The following FBXL7 variants were observed in gnomAD, a reference collection of about 807,000 sequenced individuals.
FBXL7 encodes the protein F-box and leucine rich repeat protein 7, also known as F-box/LRR-repeat protein 7.
A neutral mutation model predicts 38.3 loss-of-function variants in FBXL7; 12 were observed. The ratio of observed to expected loss-of-function variants is 0.31; its 90% CI spans 0.20 to 0.51. The LOEUF is 0.51. Ranked by LOEUF, FBXL7 falls within the 20% of genes least tolerant of loss-of-function variation. The probability of loss-of-function intolerance (pLI) is 0.98; values close to 1 mark genes in which losing one functional copy is unlikely to be tolerated. For missense variants in FBXL7, 567 were observed against 676.4 expected, an observed-to-expected ratio of 0.84 and a Z score of 1.79; for synonymous variants, 297 against 300.9, an observed-to-expected ratio of 0.99 and a Z score of 0.13.
chr5:15,597,409 G>C (rs982478630), intron 1 of FBXL7, among the ~76,000 whole-genome samples: 4 of 140,942 alleles, frequency 2.8e-5, no homozygotes, highest in African/African-American at 1.1e-4. Context: ...TTTTATAAAA[G>C]ATATATAAAT....
intron 2 of FBXL7, among the ~76,000 whole-genome samples, chr5:15,810,600 G>C (rs928692450): frequency 6.6e-6 from 1 of 150,852 alleles, no homozygotes; most frequent in East Asian, 1.9e-4. Flanking sequence ...ATACAGATTT[G>C]AACCTATTAA....
chr5:15,516,875 T>A (rs1368506646), intron 1 of FBXL7, among the ~76,000 whole-genome samples: 1 of 152,188 alleles, frequency 6.6e-6, no homozygotes, highest in East Asian at 1.9e-4. Context: ...GATTGTGCGT[T>A]TCCTGAGGCC....
At chr5:15,826,554 G>T (rs1022655413) in intron 2 of FBXL7, among the ~76,000 whole-genome samples, 2 of 152,102 alleles carry the variant, frequency 1.3e-5, no homozygotes, top group East Asian at 3.9e-4. Context: ...GGGTAGCTGG[G>T]ATTACAGGCA....
intron 1 of FBXL7, chr5:15,580,625 C>T (rs1739108093): frequency 1.0e-6 from 1 of 985,304 alleles, no homozygotes; most frequent in African/African-American, 1.7e-5. Context: ...GGCAGATCCA[C>T]AAGCCATGCT....
chr5:15,678,256 A>G (rs1028362481), intron 2 of FBXL7, among the ~76,000 whole-genome samples: 13 of 152,216 alleles, frequency 8.5e-5, no homozygotes, highest in African/African-American at 3.1e-4. Flanking sequence ...TAAATAAAGT[A>G]TGCATGTGTT....
chr5:15,851,117 A>AG lies in FBXL7; in HGVS notation c.128-76771dup, dbSNP rs1395903807. ...GGAGCTATTATACATGTAATCAGCAAGGATACACACACCCGGCCATTTCCT... is the reference window on the plus strand; with the variant it reads ...GGAGCTATTATACATGTAATCAGCAAGGGATACACACACCCGGCCATTTCCT... On this transcript the variant is annotated intron_variant, in intron 2 of 3. Transcript: ENST00000504595. 2.0e-5 allele frequency among the ~76,000 whole-genome samples: 3 copies of AG among 152,330 alleles called. No homozygotes were observed. In the East Asian group the frequency reaches 5.8e-4, roughly 29 times the overall value.
At chr5:15,885,501 G>A (rs137997600) in intron 2 of FBXL7, among the ~76,000 whole-genome samples, 205 of 152,268 alleles carry the variant, frequency 1.3e-3, no homozygotes, top group African/African-American at 4.2e-3. Context: ...TGGCACCCAC[G>A]TCAGGGAGCA....
intron 2 of FBXL7, among the ~76,000 whole-genome samples, chr5:15,737,982 G>A (rs1261388331): frequency 6.6e-6 from 1 of 152,132 alleles, no homozygotes. Flanking sequence ...TGTAAAATCA[G>A]GAGGCTGAAA....
At position 15,793,018 on chromosome 5, in the gene FBXL7, A is replaced by G. The variant is rs182626603; in HGVS notation, c.128-134872A>G. Among the ~76,000 whole-genome samples, 512 of 152,244 alleles carry G rather than the reference A, an allele frequency of 3.4e-3. 3 individuals carry two copies. The highest frequency in any genetic ancestry group is 0.011 in the African/African-American group (468 of 41,530). On this transcript the variant is annotated intron_variant, in intron 2 of 3. Coordinates refer to ENST00000504595, the MANE Select transcript of FBXL7 (RefSeq NM_012304.5). ...AGAAAGTCTACTTCCAAGCCAGCCAACCTTCAACCTTCCTGCGTGTGCAAG... is the reference window on the plus strand; with the variant it reads ...AGAAAGTCTACTTCCAAGCCAGCCAGCCTTCAACCTTCCTGCGTGTGCAAG...
rs538847042 is a variant in FBXL7, at chr5:15,628,099, T to C, written c.127+12027T>C. 3.9e-5 allele frequency among the ~76,000 whole-genome samples: 6 copies of C among 152,306 alleles called. No homozygotes were observed. The South Asian group carries it at 1.2e-3, about 32-fold the overall frequency. On this transcript the variant is annotated intron_variant, in intron 2 of 3. Coordinates refer to ENST00000504595, the MANE Select transcript of FBXL7 (RefSeq NM_012304.5). ...TTGTAACGGGTGAAGTCTATGGGAA[T>C]TAGGTGGCAACAGAGTTAATTATTT...
chr5:15,618,072 G>A (rs12659622), intron 2 of FBXL7, among the ~76,000 whole-genome samples: 12,887 of 152,064 alleles, frequency 0.085, 621 homozygotes, highest in South Asian at 0.13. Context: ...TGCTTTTTAT[G>A]CTTCCAAAGG....
intron 2 of FBXL7, among the ~76,000 whole-genome samples, chr5:15,847,597 A>G (rs187077673): frequency 6.6e-6 from 1 of 152,300 alleles, no homozygotes; most frequent in Admixed American, 6.5e-5. Flanking sequence ...TGCATATGAA[A>G]GAATTTCACT....
At chr5:15,653,991 G>A (rs375223666) in intron 2 of FBXL7, among the ~76,000 whole-genome samples, 1 of 152,116 alleles carries the variant, frequency 6.6e-6, no homozygotes, top group African/African-American at 2.4e-5. Context: ...CTCAAACTTG[G>A]AAAACTAGTA....
intron 2 of FBXL7, among the ~76,000 whole-genome samples, chr5:15,804,188 C>T (rs1737644547): frequency 6.6e-6 from 1 of 152,134 alleles, no homozygotes; most frequent in Non-Finnish European, 1.5e-5. Context: ...TTAAAATAAG[C>T]CAGGCACAAT....
In FBXL7 at chr5:15,500,528, G is replaced by C. The variant is rs1736458729; in HGVS notation, c.-149G>C. The stretch of plus-strand genomic sequence containing the variant: ...GCACCCCCTCCCACTGGAGTGCGGG[G>C]ACCTCTCCAGGCCGGAGGTCGGCCC... On this transcript the variant is annotated 5_prime_UTR_variant, in exon 1 of 4. Coordinates refer to ENST00000504595, the MANE Select transcript of FBXL7 (RefSeq NM_012304.5). The C allele has an allele frequency of 2.9e-6, 3 of 1,048,224 alleles. No homozygotes were observed. Among genetic ancestry groups the C allele is most frequent in the Admixed American group, 3.4e-5 (2 of 58,092 alleles). The allele number at this position is 1,048,224 out of a possible 1,614,324, so 64.9% of individuals were successfully genotyped here. A position where few individuals can be genotyped will look rare whatever the true frequency, so the allele number is the denominator to read the frequency against.
At chr5:15,648,257 G>A (rs933215336) in intron 2 of FBXL7, among the ~76,000 whole-genome samples, 2 of 152,096 alleles carry the variant, frequency 1.3e-5, no homozygotes, top group Non-Finnish European at 2.9e-5. Context: ...ATCTTATATG[G>A]TGTCTTCTTA....
chr5:15,839,584 G>T (rs1738686769), intron 2 of FBXL7, among the ~76,000 whole-genome samples: 5 of 152,104 alleles, frequency 3.3e-5, no homozygotes, highest in Middle Eastern at 3.4e-3. Flanking sequence ...ATGGTGAAAT[G>T]AATATTTAAT....
rs1470201034 is a variant in FBXL7, at chr5:15,788,038, T to C, written c.128-139852T>C. On this transcript the variant is annotated intron_variant, in intron 2 of 3. Transcript: ENST00000504595. ...CCTGGCTTCTGGTGGCTCCTGGCAA[T>C]TTATGGCGTTCCTTGACTTGCAGAC... Among the ~76,000 whole-genome samples, 5 of 152,088 alleles carry C rather than the reference T, an allele frequency of 3.3e-5. No homozygotes were observed. In the East Asian group the frequency reaches 9.6e-4, roughly 29 times the overall value.
At chr5:15,557,230 G>A (rs368686413) in intron 1 of FBXL7, among the ~76,000 whole-genome samples, 8 of 152,210 alleles carry the variant, frequency 5.3e-5, no homozygotes, top group East Asian at 3.9e-4. Context: ...GAGCCACTGC[G>A]CCCGGCGGAG....
Sources: gnomAD v4.1 joint callset for allele counts (sites outside exome capture counted in the v4.1 genomes callset) on GRCh38, gnomAD v4.1.1 for gene constraint, MANE v1.5 for transcripts, NCBI Gene and HGNC (gene_info 2026-07-23, HGNC 2026-07-21) for gene names.